The following STAMBP variants were observed in gnomAD, a reference collection of about 807,000 sequenced individuals.
STAMBP encodes STAM-binding protein.
Under a neutral mutation model 50.7 loss-of-function variants are expected in STAMBP, and 31 were observed. The observed-to-expected ratio is 0.61, with a 90% CI of 0.46 to 0.83. The LOEUF is 0.83. STAMBP is among the 40% of genes least tolerant of loss of function. STAMBP has a pLI of 0.00. For synonymous variants in STAMBP, 211 were observed against 192.4 expected, an observed-to-expected ratio of 1.10 and a Z score of -0.80; for missense variants, 472 against 518.9, an observed-to-expected ratio of 0.91 and a Z score of 0.88.
chr2:73,850,238 C>A lies in STAMBP; in HGVS notation c.868-138C>A. 8.6e-7 allele frequency: 1 copy of A among 1,163,762 alleles called. No homozygotes were observed. The highest frequency in any genetic ancestry group is 1.2e-6 in the Non-Finnish European group (1 of 832,232). The allele number at this position is 1,163,762 out of a possible 1,614,324, so 72.1% of individuals were successfully genotyped here. On this transcript the variant is annotated intron_variant, in intron 6 of 9. Transcript: ENST00000394070. This position sits in a 1 kb window ranked among gnomAD's most constrained non-coding sequence, Gnocchi z 4.3. ...GTGCATCAGCAGCCAAGGTTGTGAA[C>A]CACTGAGTGGCAGGACTCCTGCTGT...
intron 7 of STAMBP, among the ~76,000 whole-genome samples, chr2:73,855,138 T>C (rs1189955506): frequency 2.6e-5 from 4 of 152,202 alleles, no homozygotes; most frequent in Non-Finnish European, 4.4e-5. Context: ...TATGGATTGA[T>C]CACCAACTGT....
chr2:73,859,452 CT>C, intron 8 of STAMBP, 86 bp downstream of exon 8: 1 of 1,063,716 alleles, frequency 9.4e-7, no homozygotes, highest in Non-Finnish European at 1.5e-6. Context: ...TTCTTGTGGA[CT>C]TGTCCTTTGT....
chr2:73,833,801 C>T (rs1047391903), intron 2 of STAMBP, among the ~76,000 whole-genome samples: 1 of 152,150 alleles, frequency 6.6e-6, no homozygotes, highest in Non-Finnish European at 1.5e-5. Flanking sequence ...AAAATGGCCC[C>T]TGTCCTTATT....
In STAMBP at chr2:73,829,148, G is replaced by T. The variant is rs531545488; in HGVS notation, c.-375G>T. 1.9e-4 allele frequency: 29 copies of T among 152,456 alleles called. No individual in the cohort carries two copies. Among genetic ancestry groups the T allele is most frequent in the African/African-American group, 6.5e-4 (27 of 41,582 alleles). The allele number at this position is 152,456 out of a possible 1,614,324, so 9.4% of individuals were successfully genotyped here. ...TCGCTCGAGGCACCCGACGGCTTCT[G>T]TCTCCGCGGGCTGGCGCCTGACCAG... is the stretch of plus-strand genomic sequence containing the variant. On this transcript the variant is annotated 5_prime_UTR_variant, in exon 1 of 10. Transcript: ENST00000394070.
At chr2:73,861,561 C>T (rs998137317) in intron 9 of STAMBP, among the ~76,000 whole-genome samples, 2 of 151,900 alleles carry the variant, frequency 1.3e-5, no homozygotes, top group African/African-American at 4.8e-5. Context: ...GCTCTGTTGC[C>T]GGGCTGGAGT....
intron 2 of STAMBP, among the ~76,000 whole-genome samples, chr2:73,841,579 T>C (rs1462328173): frequency 1.3e-5 from 2 of 152,252 alleles, no homozygotes; most frequent in East Asian, 1.9e-4. Context: ...GTAGCAGATA[T>C]CACCTTTTTA....
In STAMBP at chr2:73,862,902, G is replaced by C. The variant is rs1678502166; in HGVS notation, c.*643G>C. 1 of 152,196 alleles carries C rather than the reference G, an allele frequency of 6.6e-6. No individual in the cohort carries two copies. The highest frequency in any genetic ancestry group is 1.5e-5 in the Non-Finnish European group (1 of 68,026). The allele number at this position is 152,196 out of a possible 1,614,324, so 9.4% of individuals were successfully genotyped here. A position where few individuals can be genotyped will look rare whatever the true frequency, so the allele number is the denominator to read the frequency against. ...TTAACTTATGTTTTTGTGCTTCAGA[G>C]TGATCCATTTGATCAAGCATTGTAT... On this transcript the variant is annotated 3_prime_UTR_variant, in exon 10 of 10. Transcript: ENST00000394070.
At chr2:73,869,906 C>T (rs904456116), downstream of STAMBP, among the ~76,000 whole-genome samples, 4 of 152,218 alleles carry the variant, frequency 2.6e-5, no homozygotes, top group Non-Finnish European at 4.4e-5. Context: ...CTTTCAAACC[C>T]ACACTCAACC....
chr2:73,836,795 G>T (rs2104304997), intron 2 of STAMBP, among the ~76,000 whole-genome samples: 1 of 152,326 alleles, frequency 6.6e-6, no homozygotes, highest in Non-Finnish European at 1.5e-5. Context: ...GCCAGCAGAG[G>T]TGCATGCACA....
At chr2:73,830,722 C>T (rs1317979819) in intron 1 of STAMBP, 123 bp from the exon 2 acceptor site, 1 of 749,264 alleles carries the variant, frequency 1.3e-6, no homozygotes, top group Non-Finnish European at 2.1e-6. Context: ...TTAATAGGAG[C>T]CACAGCATTT....
intron 5 of STAMBP, among the ~76,000 whole-genome samples, chr2:73,848,369 G>C (rs1676395003): frequency 6.6e-6 from 1 of 152,158 alleles, no homozygotes; most frequent in African/African-American, 2.4e-5. Flanking sequence ...TCTTCCAGAA[G>C]AGTAAGTTCA....
chr2:73,861,644 G>C (rs111794942), intron 9 of STAMBP, among the ~76,000 whole-genome samples: 2,316 of 150,880 alleles, frequency 0.015, 61 homozygotes, highest in African/African-American at 0.054. Context: ...TCAGCCTCTC[G>C]AGTAGCTGGG....
rs533058415 is a variant in STAMBP, at chr2:73,846,917, A to G, written c.376-470A>G. On this transcript the variant is annotated intron_variant, in intron 4 of 9. Transcript: ENST00000394070. ...GGCAACATGGCGAAACCCTGTCTCTACAAAAAATACAAAAATTAGCCAGGT... is the reference window on the plus strand; with the variant it reads ...GGCAACATGGCGAAACCCTGTCTCTGCAAAAAATACAAAAATTAGCCAGGT... 2.4e-4 allele frequency among the ~76,000 whole-genome samples: 36 copies of G among 152,126 alleles called. No individual in the cohort carries two copies. In the South Asian group the frequency reaches 5.2e-3, roughly 22 times the overall value.
chr2:73,869,802 A>T (rs993338359), downstream of STAMBP, among the ~76,000 whole-genome samples: 1 of 152,210 alleles, frequency 6.6e-6, no homozygotes, highest in Non-Finnish European at 1.5e-5. Flanking sequence ...CGAGGACTAG[A>T]TTAAGAATCA....
chr2:73,871,035 G>A (rs1053469457), downstream of STAMBP, among the ~76,000 whole-genome samples: 22 of 152,066 alleles, frequency 1.4e-4, no homozygotes, highest in Admixed American at 1.3e-4. Context: ...CTTCCAAAGC[G>A]CTGGGATTAC....
At chr2:73,841,658 G>T (rs192281086) in intron 2 of STAMBP, among the ~76,000 whole-genome samples, 1 of 152,138 alleles carries the variant, frequency 6.6e-6, no homozygotes, top group African/African-American at 2.4e-5. Context: ...TTCCAGTGTG[G>T]CCCAGGGAAG....
At chr2:73,835,278 C>T (rs1447410607) in intron 2 of STAMBP, among the ~76,000 whole-genome samples, 12 of 149,098 alleles carry the variant, frequency 8.0e-5, no homozygotes, top group Middle Eastern at 3.5e-3. Context: ...TGCATGAACC[C>T]GGGAGGCAGA....
At chr2:73,871,199 C>T (rs1220060011), downstream of STAMBP, among the ~76,000 whole-genome samples, 2 of 152,176 alleles carry the variant, frequency 1.3e-5, no homozygotes, top group Non-Finnish European at 2.9e-5. Context: ...GAGACTTCAG[C>T]TGGCCTATGA....
In STAMBP at chr2:73,864,351, A is replaced by G. The variant is rs929318994; in HGVS notation, c.*2092A>G. 4 of 152,236 alleles carry G rather than the reference A, an allele frequency of 2.6e-5. No individual in the cohort carries two copies. Among genetic ancestry groups the G allele is most frequent in the Non-Finnish European group, 5.9e-5 (4 of 68,048 alleles). 9.4% of individuals were successfully genotyped at this position (152,236 alleles called of 1,614,324 possible). A position where few individuals can be genotyped will look rare whatever the true frequency, so the allele number is the denominator to read the frequency against. On this transcript the variant is annotated 3_prime_UTR_variant, in exon 10 of 10. Coordinates refer to ENST00000394070, the MANE Select transcript of STAMBP (RefSeq NM_213622.4). Reference sequence around the variant, plus strand: ...TCTTTTCTCTTCCTCTAGGCACAAGATATCTTAGTGGCTAGATGGGTGCAG... The same window carrying G: ...TCTTTTCTCTTCCTCTAGGCACAAGGTATCTTAGTGGCTAGATGGGTGCAG...
Sources: allele counts gnomAD v4.1 joint callset (sites outside exome capture counted in the v4.1 genomes callset), GRCh38; gene constraint gnomAD v4.1.1; non-coding constraint Gnocchi (gnomAD v3.1); transcripts MANE v1.5; gene names NCBI Gene and HGNC (gene_info 2026-07-23, HGNC 2026-07-21).